PTPRM: variants seen among roughly 807,000 people sequenced by gnomAD.
PTPRM encodes the protein protein tyrosine phosphatase receptor type M, also known as receptor-type tyrosine-protein phosphatase mu.
Under a neutral mutation model 186.7 loss-of-function variants are expected in PTPRM, and 47 were observed. The ratio of observed to expected loss-of-function variants is 0.25; its 90% CI spans 0.20 to 0.32. The LOEUF is 0.32. Ranked by LOEUF, PTPRM falls within the 10% of genes least tolerant of loss-of-function variation. The pLI, the probability that PTPRM is intolerant of heterozygous loss-of-function variation, is 1.00. For missense variants in PTPRM, 1,494 were observed against 1,865.0 expected (o/e 0.80, Z 3.66); for synonymous variants, 668 against 674.9 (o/e 0.99, Z 0.16).
At chr18:7,860,738 C>T (rs939894507) in intron 2 of PTPRM, among the ~76,000 whole-genome samples, 6 of 152,312 alleles carry the variant, frequency 3.9e-5, no homozygotes, top group Middle Eastern at 3.4e-3. Context: ...ATGTATGTTA[C>T]AGGAGAACTT....
At chr18:7,746,774 G>C (rs1041265994) in intron 1 of PTPRM, among the ~76,000 whole-genome samples, 2 of 152,132 alleles carry the variant, frequency 1.3e-5, no homozygotes, top group African/African-American at 4.8e-5. Context: ...CCCCATCATA[G>C]TCTTGACAGT....
At chr18:8,157,937 G>A (rs1356674611) in intron 14 of PTPRM, among the ~76,000 whole-genome samples, 1 of 152,216 alleles carries the variant, frequency 6.6e-6, no homozygotes, top group Non-Finnish European at 1.5e-5. Context: ...TCATGTATCT[G>A]TGTGGACTCC....
At chr18:8,037,834 G>A (rs144743338) in intron 7 of PTPRM, among the ~76,000 whole-genome samples, 2 of 152,074 alleles carry the variant, frequency 1.3e-5, no homozygotes, top group Non-Finnish European at 2.9e-5. Context: ...CACCCAAAAA[G>A]CATATGGAAG....
At chr18:8,295,298 A>G (rs1333369107) in intron 19 of PTPRM, among the ~76,000 whole-genome samples, 1 of 152,196 alleles carries the variant, frequency 6.6e-6, no homozygotes, top group Non-Finnish European at 1.5e-5. Flanking sequence ...CATTCTACCT[A>G]GCGACAGACT....
chr18:8,070,767 C>A (rs967311062), intron 8 of PTPRM, among the ~76,000 whole-genome samples: 17 of 152,034 alleles, frequency 1.1e-4, no homozygotes, highest in Non-Finnish European at 1.0e-4. Flanking sequence ...TAAATTTGAC[C>A]TAAAAATCAT....
intron 14 of PTPRM, among the ~76,000 whole-genome samples, chr18:8,223,801 G>T (rs1233565193): frequency 6.6e-6 from 1 of 152,186 alleles, no homozygotes; most frequent in African/African-American, 2.4e-5. Flanking sequence ...ATATGGTGGG[G>T]GGAGTGATAG....
At chr18:8,136,382 G>T (rs951124881) in intron 13 of PTPRM, among the ~76,000 whole-genome samples, 2 of 152,178 alleles carry the variant, frequency 1.3e-5, no homozygotes, top group Non-Finnish European at 2.9e-5. Context: ...CAGATGATAA[G>T]TGATAAGGCT....
At chr18:8,258,565 A>AT (rs1037097958) in intron 19 of PTPRM, among the ~76,000 whole-genome samples, 1 of 151,756 alleles carries the variant, frequency 6.6e-6, no homozygotes. Context: ...TGGCTCGATT[A>AT]TTTTTTTTAT....
chr18:7,984,551 A>G (rs2082726908), intron 7 of PTPRM, among the ~76,000 whole-genome samples: 1 of 131,200 alleles, frequency 7.6e-6, no homozygotes, highest in African/African-American at 2.8e-5. Flanking sequence ...GTATACATAT[A>G]TGCCCCATAT....
intron 4 of PTPRM, among the ~76,000 whole-genome samples, chr18:7,923,339 C>G (rs2050978387): frequency 1.3e-5 from 2 of 152,066 alleles, no homozygotes; most frequent in Non-Finnish European, 2.9e-5. Flanking sequence ...TCTGAGTGTG[C>G]CAGATAACTT....
intron 3 of PTPRM, among the ~76,000 whole-genome samples, chr18:7,903,189 G>A (rs1225613995): frequency 6.6e-6 from 1 of 152,230 alleles, no homozygotes; most frequent in Non-Finnish European, 1.5e-5. Flanking sequence ...AGAGCCTTGA[G>A]TTCATTGAAT....
chr18:7,721,370 A>G (rs2040444418), intron 1 of PTPRM, among the ~76,000 whole-genome samples: 3 of 151,056 alleles, frequency 2.0e-5, no homozygotes, highest in Admixed American at 6.6e-5. Flanking sequence ...CTGTATATTA[A>G]CTCTTTATTA....
chr18:7,735,574 TAAATATACCTAAA>T (rs147066125), intron 1 of PTPRM, among the ~76,000 whole-genome samples: 7,467 of 152,222 alleles, frequency 0.049, 469 homozygotes, highest in East Asian at 0.13. Context: ...AATATGTCTC[TAAATATACCTAAA>T]AAATATACCT....
chr18:8,037,813 A>G (rs545192437), intron 7 of PTPRM, among the ~76,000 whole-genome samples: 1 of 152,266 alleles, frequency 6.6e-6, no homozygotes, highest in Admixed American at 6.5e-5. Flanking sequence ...TGGACTAGTA[A>G]GAAATCCACA....
chr18:8,233,963 C>T (rs1044635021), intron 14 of PTPRM, among the ~76,000 whole-genome samples: 3 of 152,164 alleles, frequency 2.0e-5, no homozygotes, highest in African/African-American at 7.2e-5. Context: ...TGTTCTCTCT[C>T]TTCTGTCCTA....
intron 1 of PTPRM, among the ~76,000 whole-genome samples, chr18:7,697,514 G>A (rs1162889132): frequency 6.6e-6 from 1 of 152,208 alleles, no homozygotes; most frequent in African/African-American, 2.4e-5. Context: ...GTAGGGCGAT[G>A]AAAGAACACT....
chr18:7,988,525 A>G (rs2083090380), intron 7 of PTPRM, among the ~76,000 whole-genome samples: 1 of 152,168 alleles, frequency 6.6e-6, no homozygotes, highest in Non-Finnish European at 1.5e-5. Flanking sequence ...CATTGGTATC[A>G]TCCCTTACTA....
intron 1 of PTPRM, among the ~76,000 whole-genome samples, chr18:7,709,724 C>T (rs139772483): frequency 1.4e-3 from 220 of 152,134 alleles, no homozygotes; most frequent in African/African-American, 5.0e-3. Flanking sequence ...GGAAATATGA[C>T]AACCGATATC....
intron 14 of PTPRM, among the ~76,000 whole-genome samples, chr18:8,168,932 C>T (rs1038435427): frequency 4.6e-5 from 7 of 152,188 alleles, no homozygotes; most frequent in Non-Finnish European, 1.5e-5. Context: ...AGTTTTTGCT[C>T]ACCCATAATC....
Sources: gnomAD v4.1 joint callset for allele counts (sites outside exome capture counted in the v4.1 genomes callset) on GRCh38, gnomAD v4.1.1 for gene constraint, MANE v1.5 for transcripts, NCBI Gene and HGNC (gene_info 2026-07-23, HGNC 2026-07-21) for gene names.